Variants in HIBCH observed in about 807,000 individuals in gnomAD.
The protein encoded by HIBCH is 3-hydroxyisobutyryl-CoA hydrolase, also known as 3-hydroxyisobutyryl-CoA hydrolase, mitochondrial.
A neutral mutation model predicts 58.2 loss-of-function variants in HIBCH; 50 were observed. The ratio of observed to expected loss-of-function variants is 0.86; its 90% CI spans 0.68 to 1.09. The LOEUF (loss-of-function observed/expected upper bound fraction) is 1.09. Among genes scored for constraint, HIBCH ranks in the 50% least tolerant of loss-of-function variants. The pLI is 0.00. For synonymous variants in HIBCH, 151 were observed against 146.9 expected (o/e 1.03, Z -0.20); for missense variants, 450 against 449.7 (o/e 1.00, Z -0.01).
rs1169380868 is a variant in HIBCH, at chr2:190,215,957, G to C, written c.892-2882C>G. 1 of 152,444 alleles carries C rather than the reference G, an allele frequency of 6.6e-6. No individual in the cohort carries two copies. Among genetic ancestry groups the C allele is most frequent in the Non-Finnish European group, 1.5e-5 (1 of 68,258 alleles). The allele number at this position is 152,444 out of a possible 1,614,324, so 9.4% of individuals were successfully genotyped here. A position where few individuals can be genotyped will look rare whatever the true frequency, so the allele number is the denominator to read the frequency against. The stretch of plus-strand genomic sequence containing the variant: ...AGTTAAGGCTCAGCTCATGCCCAGA[G>C]AGAGAAAGAGGAAGAAACTGAGTTT... On this transcript the variant is annotated intron_variant, in intron 11 of 13. Coordinates refer to ENST00000359678, the MANE Select transcript of HIBCH (RefSeq NM_014362.4). The surrounding 1 kb of genome is among the most constrained non-coding windows in gnomAD (Gnocchi z 4.4).
At position 190,206,549 on chromosome 2, in the gene HIBCH, G is replaced by C. The variant is rs1349689646; in HGVS notation, c.1046-1317C>G. On this transcript the variant is annotated intron_variant, in intron 13 of 13. Transcript: ENST00000359678. This position sits in a 1 kb window ranked among gnomAD's most constrained non-coding sequence, Gnocchi z 5.1. ...CATGTAGGCAGCTCAGGTTTTGCAAGTCTCCTGAGATAGCCACTACATGGA... is the reference window on the plus strand; with the variant it reads ...CATGTAGGCAGCTCAGGTTTTGCAACTCTCCTGAGATAGCCACTACATGGA... Among the ~76,000 whole-genome samples, 1 of 152,160 alleles carries C rather than the reference G, an allele frequency of 6.6e-6. No individual in the cohort carries two copies. Among genetic ancestry groups the C allele is most frequent in the African/African-American group, 2.4e-5 (1 of 41,426 alleles).
downstream of HIBCH, chr2:190,200,343 C>CTT (rs1224782747): frequency 1.9e-5 from 11 of 570,978 alleles, no homozygotes; most frequent in Non-Finnish European, 2.9e-5. Flanking sequence ...TCTGTTTAGT[C>CTT]TTAGATTTTA....
At chr2:190,263,637 T>G (rs1023721303) in intron 6 of HIBCH, among the ~76,000 whole-genome samples, 1 of 152,162 alleles carries the variant, frequency 6.6e-6, no homozygotes, top group South Asian at 2.1e-4. Flanking sequence ...CTATTTAACG[T>G]CTCGTCTTGA....
At chr2:190,195,451 G>A (rs1488826118) in intron 1 of HIBCH, among the ~76,000 whole-genome samples, 1 of 152,196 alleles carries the variant, frequency 6.6e-6, no homozygotes, top group South Asian at 2.1e-4. Flanking sequence ...CAGTGAATGA[G>A]AGTTCTGTTG....
rs1690029592 is a variant in HIBCH at position 190,197,397 on chromosome 2, T to C, written c.*18-7400A>G. On this transcript the variant is annotated intron_variant, in intron 1 of 1. Coordinates refer to the HIBCH transcript ENST00000399855. The surrounding 1 kb of genome is among the most constrained non-coding windows in gnomAD (Gnocchi z 4.0). ...CTGGTGTCACTGTTCAACTCTTAAGTCCTAGAGGAAGTAATCGTTTGCTAA... is the reference window on the plus strand; with the variant it reads ...CTGGTGTCACTGTTCAACTCTTAAGCCCTAGAGGAAGTAATCGTTTGCTAA... Among the ~76,000 whole-genome samples the C allele has an allele frequency of 6.6e-6, 1 of 152,210 alleles. No homozygotes were observed. Among genetic ancestry groups the C allele is most frequent in the Admixed American group, 6.5e-5 (1 of 15,274 alleles).
intron 6 of HIBCH, among the ~76,000 whole-genome samples, chr2:190,266,358 G>A (rs922668957): frequency 6.6e-6 from 1 of 152,190 alleles, no homozygotes; most frequent in Non-Finnish European, 1.5e-5. Flanking sequence ...AAAGAAATAT[G>A]TTCGAATATT....
rs1008805316 is a variant in HIBCH, at chr2:190,196,205, A to G, written c.*18-6208T>C. On this transcript the variant is annotated intron_variant, in intron 1 of 1. Transcript: ENST00000399855. The stretch of plus-strand genomic sequence containing the variant: ...TTAAACGTATCTAATTCCTTTCCTC[A>G]TAAGTCATACTTGCATTATCTCTTT... 8.6e-5 allele frequency among the ~76,000 whole-genome samples: 13 copies of G among 151,742 alleles called. No homozygotes were observed. The South Asian group carries it at 1.0e-3, about 12-fold the overall frequency.
chr2:190,288,152 CTATCT>C (rs1164698923), intron 5 of HIBCH, among the ~76,000 whole-genome samples: 3 of 39,168 alleles, frequency 7.7e-5, no homozygotes, highest in Non-Finnish European at 1.8e-4. Flanking sequence ...GACCAAGACC[CTATCT>C]TTTTTTTTTT....
chr2:190,301,324 C>A (rs1044098420), intron 2 of HIBCH, among the ~76,000 whole-genome samples: 1 of 152,110 alleles, frequency 6.6e-6, no homozygotes, highest in Non-Finnish European at 1.5e-5. Flanking sequence ...GAAATAGAGG[C>A]CTACTAAATA....
intron 2 of HIBCH, among the ~76,000 whole-genome samples, chr2:190,307,115 C>G (rs559734811): frequency 2.6e-4 from 39 of 152,222 alleles, no homozygotes; most frequent in African/African-American, 7.2e-4. Flanking sequence ...AACTAGGAAT[C>G]TAGATGTGGA....
chr2:190,310,988 T>C (rs766100985), intron 1 of HIBCH, 192 bp from the exon 2 acceptor site: 12 of 697,400 alleles, frequency 1.7e-5, no homozygotes, highest in South Asian at 3.0e-5. Flanking sequence ...ATGAATTTTA[T>C]GGTAACTTTA....
chr2:190,218,491 C>A (rs1340504043), intron 11 of HIBCH, among the ~76,000 whole-genome samples: 4 of 152,148 alleles, frequency 2.6e-5, no homozygotes, highest in Non-Finnish European at 5.9e-5. Context: ...ATTCCACCCC[C>A]AAGCCCACCC....
At chr2:190,191,043 C>T (rs980017912) in intron 1 of HIBCH, among the ~76,000 whole-genome samples, 2 of 152,190 alleles carry the variant, frequency 1.3e-5, no homozygotes, top group Non-Finnish European at 2.9e-5. Flanking sequence ...CTTGTTCAAT[C>T]AGCATGCCTT....
chr2:190,289,135 T>C, intron 5 of HIBCH, among the ~76,000 whole-genome samples: 2 of 152,018 alleles, frequency 1.3e-5, no homozygotes, highest in Middle Eastern at 6.8e-3. Flanking sequence ...TAATAAATAA[T>C]AAAATAAAAA....
rs1468875019 is a variant in HIBCH at position 190,281,525 on chromosome 2, G to C, written c.438+6061C>G. On this transcript the variant is annotated intron_variant, in intron 6 of 13. Transcript: ENST00000359678. This position sits in a 1 kb window ranked among gnomAD's most constrained non-coding sequence, Gnocchi z 5.4. ...TGTGATGAGAAAGGGAGGCTCAAAG[G>C]TCTCGGAAATGCCTTGAGGGTCTTT... Among the ~76,000 whole-genome samples the C allele has an allele frequency of 6.6e-6, 1 of 152,150 alleles. No homozygotes were observed. Among genetic ancestry groups the C allele is most frequent in the Non-Finnish European group, 1.5e-5 (1 of 68,036 alleles).
chr2:190,190,074 TTAAAG>T lies in HIBCH; in HGVS notation c.*18-82_*18-78del, dbSNP rs1254915679. The T allele has an allele frequency of 2.0e-5, 3 of 152,198 alleles. No homozygotes were observed. In the East Asian group the frequency reaches 5.8e-4, roughly 29 times the overall value. The allele number at this position is 152,198 out of a possible 1,614,324, so 9.4% of individuals were successfully genotyped here. Reference sequence around the variant, plus strand: ...TCTCAAAAACTGTTCTTATATCTTATTAAAGTAAAAATTACAGTGAAATACAGTAA... The same window carrying T: ...TCTCAAAAACTGTTCTTATATCTTATTAAAAATTACAGTGAAATACAGTAA... On this transcript the variant is annotated intron_variant, in intron 1 of 1. Coordinates refer to the HIBCH transcript ENST00000399855.
intron 4 of HIBCH, 142 bp from the exon 5 acceptor site, chr2:190,290,627 CCACAGACATTATATTATAGT>C (rs1354192245): frequency 2.4e-5 from 16 of 659,374 alleles, no homozygotes; most frequent in Non-Finnish European, 3.5e-5. Flanking sequence ...GTTGCCCCTG[CCACAGACATTATATTATAGT>C]CACAGATCCA....
chr2:190,314,352 TATA>T (rs1688651632), intron 1 of HIBCH, among the ~76,000 whole-genome samples: 1 of 52,826 alleles, frequency 1.9e-5, no homozygotes, highest in African/African-American at 7.5e-5. Context: ...TATATGTGTA[TATA>T]TACGTATATA....
Position 190,212,674 on chromosome 2 carries a change from C to T in HIBCH, c.1011+282G>A, listed in dbSNP as rs114333739. On this transcript the variant is annotated intron_variant, in intron 12 of 13. Transcript: ENST00000359678. ...CCTTGCCCAAGGTCACAGAGACCATCGCTGAAAGACATTAATTTCTATTTT... is the reference window on the plus strand; with the variant it reads ...CCTTGCCCAAGGTCACAGAGACCATTGCTGAAAGACATTAATTTCTATTTT... 5.7e-3 allele frequency among the ~76,000 whole-genome samples: 874 copies of T among 152,256 alleles called. 11 individuals carry two copies. Among genetic ancestry groups the T allele is most frequent in the African/African-American group, 0.019 (796 of 41,558 alleles).
Sources: gnomAD v4.1 joint callset for allele counts (sites outside exome capture counted in the v4.1 genomes callset) on GRCh38, gnomAD v4.1.1 for gene constraint, Gnocchi (gnomAD v3.1) non-coding constraint, MANE v1.5 for transcripts, NCBI Gene and HGNC (gene_info 2026-07-23, HGNC 2026-07-21) for gene names.